The following ATXN2 variants were observed in gnomAD, a reference collection of about 807,000 sequenced individuals.
The protein encoded by ATXN2 is ataxin-2.
Under a neutral mutation model 138.6 loss-of-function variants are expected in ATXN2, and 37 were observed. The observed-to-expected ratio is 0.27, with a 90% confidence interval of 0.21 to 0.35. The LOEUF is 0.35. Among genes scored for constraint, ATXN2 ranks in the 10% least tolerant of loss-of-function variants. ATXN2 has a pLI of 1.00. For synonymous variants in ATXN2, 549 were observed against 543.7 expected (o/e 1.01, Z -0.13); for missense variants, 1,216 against 1,480.3 (o/e 0.82, Z 2.93).
At chr12:111,571,337 A>G (rs76821272) in intron 1 of ATXN2, among the ~76,000 whole-genome samples, 2,894 of 152,332 alleles carry the variant, frequency 0.019, 46 homozygotes, top group Non-Finnish European at 0.029. Flanking sequence ...AGTGTGAGGG[A>G]AAATGGTAAT....
At chr12:111,465,767 CAAAA>C (rs61456193) in intron 20 of ATXN2, among the ~76,000 whole-genome samples, 471 of 36,226 alleles carry the variant, frequency 0.013, 3 homozygotes, top group African/African-American at 0.031. Flanking sequence ...GAGACTACCT[CAAAA>C]AAAAAAAAAA....
At chr12:111,498,456 G>A (rs1038769083) in intron 14 of ATXN2, among the ~76,000 whole-genome samples, 16 of 152,018 alleles carry the variant, frequency 1.1e-4, no homozygotes, top group Admixed American at 3.3e-4. Context: ...TTTTTTAAAC[G>A]CAATCCCATT....
intron 1 of ATXN2, among the ~76,000 whole-genome samples, chr12:111,567,456 AGCCAC>A (rs1482087587): frequency 6.6e-6 from 1 of 151,288 alleles, no homozygotes; most frequent in Admixed American, 6.6e-5. Context: ...GCTGAGATTG[AGCCAC>A]TGCACTCCAG....
At chr12:111,479,814 A>T (rs1197535080) in intron 18 of ATXN2, among the ~76,000 whole-genome samples, 1 of 151,570 alleles carries the variant, frequency 6.6e-6, no homozygotes, top group Non-Finnish European at 1.5e-5. Flanking sequence ...GGAAGCCAAA[A>T]GATTGAACAC....
intron 1 of ATXN2, among the ~76,000 whole-genome samples, chr12:111,594,573 TA>T (rs1228517564): frequency 6.6e-6 from 1 of 151,990 alleles, no homozygotes; most frequent in Non-Finnish European, 1.5e-5. Context: ...AAAAGAAAAA[TA>T]TTTTATTCAG....
Position 111,544,543 on chromosome 12 carries a change from A to G in ATXN2, c.571+7737T>C, listed in dbSNP as rs572060030. ...GCATATAATTTTAATACAACATGGT[A>G]TAAGGGCAATGATACACACATGATA... is the stretch of plus-strand genomic sequence containing the variant. On this transcript the variant is annotated intron_variant, in intron 5 of 24. Transcript: ENST00000673436. Among the ~76,000 whole-genome samples, 4 of 152,314 alleles carry G rather than the reference A, an allele frequency of 2.6e-5. No homozygotes were observed. The South Asian group carries it at 8.3e-4, about 32-fold the overall frequency.
At chr12:111,580,019 G>A (rs763569497) in intron 1 of ATXN2, among the ~76,000 whole-genome samples, 6 of 152,058 alleles carry the variant, frequency 3.9e-5, no homozygotes, top group African/African-American at 1.4e-4. Flanking sequence ...GTCTTGCTGT[G>A]TTGCCCAGGG....
At chr12:111,591,997 G>A (rs916635265) in intron 1 of ATXN2, among the ~76,000 whole-genome samples, 1 of 151,106 alleles carries the variant, frequency 6.6e-6, no homozygotes, top group African/African-American at 2.4e-5. Flanking sequence ...CAGGAGAATC[G>A]CTTGAACCCG....
intron 20 of ATXN2, among the ~76,000 whole-genome samples, chr12:111,467,435 G>A (rs760457584): frequency 3.4e-5 from 5 of 148,820 alleles, no homozygotes; most frequent in Non-Finnish European, 5.9e-5. Context: ...GATTACAGGT[G>A]TCAGCCACCA....
chr12:111,515,207 C>A (rs1479522817), intron 10 of ATXN2, among the ~76,000 whole-genome samples: 1 of 152,108 alleles, frequency 6.6e-6, no homozygotes, highest in Non-Finnish European at 1.5e-5. Flanking sequence ...ACAGTTTTCT[C>A]CAGGGAAGCA....
Position 111,520,900 on chromosome 12 carries a change from C to T in ATXN2, c.770G>A (p.Ser257Asn). The stretch of plus-strand genomic sequence containing the variant: ...AACTTACGTATACGAAGATAAACTG[C>T]TATCATACGTAGACACTACACCATA... ...ENYGVVSTYD[S>N]SLSSYTVPLE... Residue 257 changes from serine to asparagine, a missense_variant, in exon 7 of 25, where the codon AGC becomes AAC. By Grantham distance (46) the Ser-to-Asn change is conservative. Around this residue, in one of 4 missense-constraint regions of ATXN2, gnomAD observed 401 missense variants for 528.1 expected, o/e 0.76. Coordinates refer to ENST00000673436, the MANE Select transcript of ATXN2 (RefSeq NM_001372574.1). 1 of 1,584,240 alleles carries T rather than the reference C, an allele frequency of 6.3e-7. No individual in the cohort carries two copies. The highest frequency in any genetic ancestry group is 8.6e-7 in the Non-Finnish European group (1 of 1,163,230).
intron 5 of ATXN2, among the ~76,000 whole-genome samples, chr12:111,526,023 T>A (rs1880476159): frequency 6.6e-6 from 1 of 151,622 alleles, no homozygotes; most frequent in Non-Finnish European, 1.5e-5. Flanking sequence ...ATTCATTAAA[T>A]TATATTACAG....
intron 1 of ATXN2, among the ~76,000 whole-genome samples, chr12:111,574,018 A>C (rs1883486862): frequency 6.6e-6 from 1 of 151,828 alleles, no homozygotes; most frequent in African/African-American, 2.4e-5. Context: ...GATTGGGTTA[A>C]AAAGTATGGA....
intron 18 of ATXN2, among the ~76,000 whole-genome samples, chr12:111,472,359 C>A (rs773208574): frequency 2.6e-5 from 4 of 152,058 alleles, no homozygotes; most frequent in Non-Finnish European, 4.4e-5. Flanking sequence ...ATATTTTTAT[C>A]CAATACCTCA....
intron 1 of ATXN2, among the ~76,000 whole-genome samples, chr12:111,589,180 T>G (rs968778724): frequency 6.7e-6 from 1 of 150,358 alleles, no homozygotes; most frequent in Non-Finnish European, 1.5e-5. Context: ...CCAGGCATGG[T>G]GGCACACAGC....
intron 18 of ATXN2, among the ~76,000 whole-genome samples, chr12:111,478,235 CA>C (rs1876964263): frequency 6.6e-6 from 1 of 152,006 alleles, no homozygotes; most frequent in Non-Finnish European, 1.5e-5. Flanking sequence ...GGTGAAACCC[CA>C]CCTACACTAA....
chr12:111,581,417 A>G, intron 1 of ATXN2: 4 of 735,738 alleles, frequency 5.4e-6, no homozygotes, highest in South Asian at 1.4e-5. Flanking sequence ...TCCTGCCAAC[A>G]TCGGCCATCC....
chr12:111,453,401 CT>C lies in ATXN2; in HGVS notation c.3439+275del, dbSNP rs1375680175. Reference sequence around the variant, plus strand: ...AGCCTGTCATAACAAGGAAGGCCAACTGAGTCCTAGGCATGCATCAGGCTGC... The same window carrying C: ...AGCCTGTCATAACAAGGAAGGCCAACGAGTCCTAGGCATGCATCAGGCTGC... On this transcript the variant is annotated intron_variant, in intron 24 of 24. Transcript: ENST00000673436. The surrounding 1 kb of genome is among the most constrained non-coding windows in gnomAD (Gnocchi z 5.4). 4.2e-6 allele frequency: 5 copies of C among 1,192,820 alleles called. No homozygotes were observed. In the African/African-American group the frequency reaches 6.3e-5, roughly 15 times the overall value. The allele number at this position is 1,192,820 out of a possible 1,614,324, so 73.9% of individuals were successfully genotyped here. A position where few individuals can be genotyped will look rare whatever the true frequency, so the allele number is the denominator to read the frequency against.
chr12:111,535,734 C>T (rs1229178739), intron 5 of ATXN2, among the ~76,000 whole-genome samples: 2 of 152,098 alleles, frequency 1.3e-5, no homozygotes, highest in South Asian at 4.1e-4. Flanking sequence ...GGCGCGGTGG[C>T]TCACGCCTGT....
Sources: allele counts gnomAD v4.1 joint callset (sites outside exome capture counted in the v4.1 genomes callset), GRCh38; gene constraint gnomAD v4.1.1; regional missense constraint gnomAD v4.1.1; non-coding constraint Gnocchi (gnomAD v3.1); transcripts MANE v1.5; gene names NCBI Gene and HGNC (gene_info 2026-07-23, HGNC 2026-07-21).